CACNA1C: variants seen among roughly 807,000 people sequenced by gnomAD.
CACNA1C encodes the protein calcium voltage-gated channel subunit alpha1 C, also known as voltage-dependent L-type calcium channel subunit alpha-1C.
Under a neutral mutation model 229.0 loss-of-function variants are expected in CACNA1C, and 30 were observed. That is an observed-to-expected ratio of 0.13 (90% CI 0.10 to 0.18). The LOEUF is 0.18. Ranked by LOEUF, CACNA1C falls within the 10% of genes least tolerant of loss-of-function variation. The pLI, the probability that CACNA1C is intolerant of heterozygous loss-of-function variation, is 1.00. For missense variants in CACNA1C, 1,658 were observed against 2,845.0 expected (o/e 0.58, Z 9.49); for synonymous variants, 1,114 against 1,132.5 (o/e 0.98, Z 0.33).
chr12:2,593,480 C>T, intron 19 of CACNA1C, 135 bp downstream of exon 19: 1 of 782,988 alleles, frequency 1.3e-6, no homozygotes. Context: ...AACAGGCACT[C>T]ATTTAGGGAA....
rs553214920 is a variant in CACNA1C, at chr12:2,195,007, T to A, written c.477+74577T>A. On this transcript the variant is annotated intron_variant, in intron 3 of 46. Transcript: ENST00000399655. ...GATCTGGTAGAAAGTTTCAAGCTACTAAAATAGGGAATGTATTCTAATGTT... is the reference window on the plus strand; with the variant it reads ...GATCTGGTAGAAAGTTTCAAGCTACAAAAATAGGGAATGTATTCTAATGTT... 2.0e-5 allele frequency among the ~76,000 whole-genome samples: 3 copies of A among 152,354 alleles called. No homozygotes were observed. The East Asian group carries it at 5.8e-4, about 29-fold the overall frequency.
chr12:2,407,663 G>A (rs7299295), intron 3 of CACNA1C, among the ~76,000 whole-genome samples: 23,385 of 55,468 alleles, frequency 0.42, 2,562 homozygotes, highest in Non-Finnish European at 0.47. Context: ...ATAAGTGTGC[G>A]GTGGACATCG....
intron 9 of CACNA1C, among the ~76,000 whole-genome samples, chr12:2,544,072 A>C (rs890974315): frequency 1.3e-5 from 2 of 152,234 alleles, no homozygotes; most frequent in Admixed American, 1.3e-4. Context: ...CTTTCCCTAG[A>C]AGGGAAACTT....
intron 1 of CACNA1C, among the ~76,000 whole-genome samples, chr12:2,026,902 C>A (rs1186262635): frequency 6.6e-6 from 1 of 152,046 alleles, no homozygotes; most frequent in Non-Finnish European, 1.5e-5. Flanking sequence ...AGTACAAAAT[C>A]AAAATGTGTA....
In CACNA1C at chr12:2,595,776, T is replaced by TGCTGGGGAGA. The variant is rs1461966228; in HGVS notation, c.2664-93_2664-84dup. The TGCTGGGGAGA allele has an allele frequency of 5.9e-6, 7 of 1,180,510 alleles. No homozygotes were observed. The highest frequency in any genetic ancestry group is 8.4e-6 in the Non-Finnish European group (7 of 830,388). 73.1% of individuals were successfully genotyped at this position (1,180,510 alleles called of 1,614,324 possible). On this transcript the variant is annotated intron_variant, in intron 19 of 46. Transcript: ENST00000399655. This position sits in a 1 kb window ranked among gnomAD's most constrained non-coding sequence, Gnocchi z 4.1. ...AGGCCAACAAGCACCTGTTGCCAGC[T>TGCTGGGGAGA]GCTGGGGAGAGCTGAGGAGAGGGGC...
chr12:2,289,548 A>G (rs1370382442), intron 3 of CACNA1C, among the ~76,000 whole-genome samples: 3 of 152,186 alleles, frequency 2.0e-5, no homozygotes, highest in Non-Finnish European at 4.4e-5. Flanking sequence ...GTGGAAATTC[A>G]TTCATGCCAC....
At chr12:2,291,476 CTAG>C (rs1163374333) in intron 3 of CACNA1C, among the ~76,000 whole-genome samples, 3 of 152,334 alleles carry the variant, frequency 2.0e-5, no homozygotes, top group African/African-American at 4.8e-5. Context: ...AGGAAGGTAA[CTAG>C]TAGTTTTGCA....
At chr12:2,437,893 G>C (rs1041403847) in intron 3 of CACNA1C, among the ~76,000 whole-genome samples, 11 of 151,086 alleles carry the variant, frequency 7.3e-5, no homozygotes, top group Non-Finnish European at 1.6e-4. Context: ...CGGTGGTGAT[G>C]ATGGTGATAG....
At chr12:2,503,747 G>A (rs766807621) in intron 7 of CACNA1C, among the ~76,000 whole-genome samples, 10 of 152,206 alleles carry the variant, frequency 6.6e-5, no homozygotes, top group Non-Finnish European at 1.2e-4. Context: ...CTTTCAGGGC[G>A]TTCTCCACCA....
chr12:2,226,186 CA>C (rs1408554874), intron 3 of CACNA1C, among the ~76,000 whole-genome samples: 1 of 150,094 alleles, frequency 6.7e-6, no homozygotes, highest in African/African-American at 2.5e-5. Context: ...TTTCTTCATA[CA>C]GGGGTAGTAA....
intron 3 of CACNA1C, among the ~76,000 whole-genome samples, chr12:2,362,990 ACAG>A (rs1195972677): frequency 6.6e-6 from 1 of 152,266 alleles, no homozygotes; most frequent in Non-Finnish European, 1.5e-5. Flanking sequence ...AGTGGCCGTA[ACAG>A]GCTGTTAGTC....
chr12:2,301,939 C>G (rs1464587199), intron 3 of CACNA1C, among the ~76,000 whole-genome samples: 1 of 152,198 alleles, frequency 6.6e-6, no homozygotes, highest in Non-Finnish European at 1.5e-5. Flanking sequence ...AATGAACTAT[C>G]AGTGTGGTTG....
At chr12:2,099,995 A>C (rs896305854) in intron 1 of CACNA1C, among the ~76,000 whole-genome samples, 2 of 152,236 alleles carry the variant, frequency 1.3e-5, no homozygotes, top group Admixed American at 1.3e-4. Flanking sequence ...ACAGCTAGCA[A>C]CTGACAGAGG....
intron 9 of CACNA1C, 128 bp from the exon 10 acceptor site, chr12:2,549,815 C>A (rs935900866): frequency 4.4e-6 from 3 of 689,576 alleles, no homozygotes; most frequent in Non-Finnish European, 7.9e-6. Context: ...AGCCAGCCAG[C>A]GTGCTCAGCC....
chr12:2,339,874 A>G (rs1376632219), intron 3 of CACNA1C, among the ~76,000 whole-genome samples: 1 of 152,246 alleles, frequency 6.6e-6, no homozygotes, highest in Non-Finnish European at 1.5e-5. Flanking sequence ...AGTTCATTCA[A>G]AATCTCAGAC....
intron 3 of CACNA1C, among the ~76,000 whole-genome samples, chr12:2,159,529 A>T (rs1459281912): frequency 6.6e-6 from 1 of 152,064 alleles, no homozygotes; most frequent in Non-Finnish European, 1.5e-5. Context: ...TGTATGCATA[A>T]GAGATAAAGA....
In CACNA1C at chr12:2,677,910, G is replaced by A; in HGVS notation, c.5091+43G>A. The A allele has an allele frequency of 6.2e-7, 1 of 1,607,288 alleles. No individual in the cohort carries two copies. The highest frequency in any genetic ancestry group is 8.5e-7 in the Non-Finnish European group (1 of 1,174,746). On this transcript the variant is annotated intron_variant, in intron 41 of 46. Transcript: ENST00000399655. This position sits in a 1 kb window ranked among gnomAD's most constrained non-coding sequence, Gnocchi z 7.4. ...GCACTCTCGACCCCTATAAAGTTCA[G>A]TTTGGAGCAAGAGGTTGGGCTGGGG...
At chr12:2,640,521 G>A (rs1343560864) in intron 30 of CACNA1C, among the ~76,000 whole-genome samples, 1 of 152,236 alleles carries the variant, frequency 6.6e-6, no homozygotes, top group Admixed American at 6.5e-5. Flanking sequence ...GGGAACAGAA[G>A]GCAAACGCCA....
chr12:2,600,015 C>T (rs2071091101), intron 21 of CACNA1C, among the ~76,000 whole-genome samples: 1 of 152,210 alleles, frequency 6.6e-6, no homozygotes, highest in African/African-American at 2.4e-5. Context: ...GTCCACCCAT[C>T]TGAGGAATGC....
Sources: gnomAD v4.1 joint callset for allele counts (sites outside exome capture counted in the v4.1 genomes callset) on GRCh38, gnomAD v4.1.1 for gene constraint, Gnocchi (gnomAD v3.1) non-coding constraint, MANE v1.5 for transcripts, NCBI Gene and HGNC (gene_info 2026-07-23, HGNC 2026-07-21) for gene names.